The following IQCH variants were observed in gnomAD, a reference collection of about 807,000 sequenced individuals.
IQCH encodes IQ motif containing H.
In IQCH, 98 loss-of-function variants were observed where a neutral mutation model predicts 117.0. That is an observed-to-expected ratio of 0.84 (90% CI 0.71 to 0.99). The LOEUF (loss-of-function observed/expected upper bound fraction) is 0.99, where lower values mean the gene tolerates loss of function less well. Among genes scored for constraint, IQCH ranks in the 50% least tolerant of loss-of-function variants. The pLI is 0.00. For synonymous variants in IQCH, 412 were observed against 448.2 expected (o/e 0.92, Z 1.02); for missense variants, 1,102 against 1,243.8 (o/e 0.89, Z 1.72).
intron 10 of IQCH, among the ~76,000 whole-genome samples, chr15:67,382,354 C>T (rs747026944): frequency 2.6e-5 from 4 of 152,206 alleles, no homozygotes; most frequent in Non-Finnish European, 5.9e-5. Flanking sequence ...GACAATTACA[C>T]CTGGCCCAGC....
rs1197185501 is a variant in IQCH, at chr15:67,408,704, C to T, written c.2098-8227C>T. 6.6e-6 allele frequency among the ~76,000 whole-genome samples: 1 copy of T among 152,142 alleles called. No homozygotes were observed. Among genetic ancestry groups the T allele is most frequent in the African/African-American group, 2.4e-5 (1 of 41,420 alleles). The stretch of plus-strand genomic sequence containing the variant: ...CACTACTTGAATGAAAAATCAAGTT[C>T]AAAGGGCACATGTGTTTCCTTTTGT... On this transcript the variant is annotated intron_variant, in intron 14 of 20. Coordinates refer to ENST00000335894, the MANE Select transcript of IQCH (RefSeq NM_001031715.3). The surrounding 1 kb of genome is among the most constrained non-coding windows in gnomAD (Gnocchi z 4.2).
chr15:67,396,433 G>C (rs72745491), intron 13 of IQCH, among the ~76,000 whole-genome samples: 115 of 151,644 alleles, frequency 7.6e-4, no homozygotes, highest in Admixed American at 1.6e-3. Context: ...CTTGGACCAA[G>C]TGTGTGGCTA....
Position 67,366,284 on chromosome 15 carries a change from A to C in IQCH, c.754-5827A>C, listed in dbSNP as rs766925761. On this transcript the variant is annotated intron_variant, in intron 8 of 20. Coordinates refer to ENST00000335894, the MANE Select transcript of IQCH (RefSeq NM_001031715.3). This position sits in a 1 kb window ranked among gnomAD's most constrained non-coding sequence, Gnocchi z 4.4. ...CCTTAACTATGTCACATTTTCTCAGAGAATATTAGAGGTATAACAGAAAAG... is the reference window on the plus strand; with the variant it reads ...CCTTAACTATGTCACATTTTCTCAGCGAATATTAGAGGTATAACAGAAAAG... 6.6e-5 allele frequency among the ~76,000 whole-genome samples: 10 copies of C among 152,178 alleles called. No homozygotes were observed. Among genetic ancestry groups the C allele is most frequent in the Non-Finnish European group, 1.2e-4 (8 of 68,020 alleles).
At chr15:67,268,831 G>A (rs1159527716) in intron 3 of IQCH, among the ~76,000 whole-genome samples, 1 of 152,134 alleles carries the variant, frequency 6.6e-6, no homozygotes, top group Non-Finnish European at 1.5e-5. Flanking sequence ...ATGTTAACAC[G>A]TGGTAATCTA....
rs182197269 is a variant in IQCH, at chr15:67,326,585, G to A, written c.388-10390G>A. Among the ~76,000 whole-genome samples, 109 of 152,108 alleles carry A rather than the reference G, an allele frequency of 7.2e-4. 4 individuals carry two copies. In the East Asian group the frequency reaches 0.012, roughly 17 times the overall value. On this transcript the variant is annotated intron_variant, in intron 4 of 20. Transcript: ENST00000335894. ...TGAACTAGTTTGCTGTCCCACCAGC[G>A]GTGTAAGGGTGTTCCTATTTCTCCA...
Position 67,401,870 on chromosome 15 carries a change from G to A in IQCH, c.2097+1565G>A, listed in dbSNP as rs6494656. ...TTCTCTTTGAACTGGATTTTATTTC[G>A]TATTGTATAGATTTTTTTTAAAGCA... On this transcript the variant is annotated intron_variant, in intron 14 of 20. Transcript: ENST00000335894. This position sits in a 1 kb window ranked among gnomAD's most constrained non-coding sequence, Gnocchi z 4.7. Among the ~76,000 whole-genome samples the A allele has an allele frequency of 0.99, 151,380 of 152,342 alleles. 75,222 individuals carry two copies. The highest frequency in any genetic ancestry group is 1 in the Non-Finnish European group (68,042 of 68,042).
Position 67,408,255 on chromosome 15 carries a change from A to G in IQCH, c.2097+7950A>G, listed in dbSNP as rs2081358393. On this transcript the variant is annotated intron_variant, in intron 14 of 20. Transcript: ENST00000335894. The surrounding 1 kb of genome is among the most constrained non-coding windows in gnomAD (Gnocchi z 4.2). ...GGAAAGGTCCGCTTTGCTGAAAACC[A>G]CAGAGCAGGCATGGGCATTTGGAAC... 1 of 152,232 alleles carries G rather than the reference A, an allele frequency of 6.6e-6. No individual in the cohort carries two copies. The highest frequency in any genetic ancestry group is 1.5e-5 in the Non-Finnish European group (1 of 68,064). The allele number at this position is 152,232 out of a possible 1,614,324, so 9.4% of individuals were successfully genotyped here.
rs2083962673 is a variant in IQCH at position 67,500,865 on chromosome 15, T to C, written c.*119T>C. ...TTTGCTTTGTGTGCTAGGAGGTGAA[T>C]CAGAACAGATTATAATGAAATGCTC... On this transcript the variant is annotated 3_prime_UTR_variant, in exon 21 of 21. Transcript: ENST00000335894. This position sits in a 1 kb window ranked among gnomAD's most constrained non-coding sequence, Gnocchi z 4.4. The C allele has an allele frequency of 3.8e-6, 2 of 523,082 alleles. No homozygotes were observed. Among genetic ancestry groups the C allele is most frequent in the South Asian group, 6.7e-5 (2 of 29,782 alleles). The allele number at this position is 523,082 out of a possible 1,614,324, so 32.4% of individuals were successfully genotyped here. A position where few individuals can be genotyped will look rare whatever the true frequency, so the allele number is the denominator to read the frequency against.
intron 16 of IQCH, among the ~76,000 whole-genome samples, chr15:67,448,511 G>C (rs564389882): frequency 4.0e-5 from 6 of 151,746 alleles, no homozygotes; most frequent in Non-Finnish European, 7.4e-5. Context: ...TGATGAGAAT[G>C]ATGGTTTCCA....
chr15:67,320,117 A>G (rs967510085), intron 4 of IQCH, among the ~76,000 whole-genome samples: 3 of 152,374 alleles, frequency 2.0e-5, no homozygotes, highest in East Asian at 1.9e-4. Flanking sequence ...GAGTCATTGA[A>G]GTAAAAGTCT....
rs1489081324 is a variant in IQCH, at chr15:67,404,335, C to CA, written c.2097+4031dup. The stretch of plus-strand genomic sequence containing the variant: ...CCATTTCATGCCATAGAGCTCCCTG[C>CA]ATCTCCACCTCCATTGTGAAGACCT... On this transcript the variant is annotated intron_variant, in intron 14 of 20. Transcript: ENST00000335894. This position sits in a 1 kb window ranked among gnomAD's most constrained non-coding sequence, Gnocchi z 4.6. 1 of 152,176 alleles carries CA rather than the reference C, an allele frequency of 6.6e-6. No homozygotes were observed. The highest frequency in any genetic ancestry group is 2.4e-5 in the African/African-American group (1 of 41,436). The allele number at this position is 152,176 out of a possible 1,614,324, so 9.4% of individuals were successfully genotyped here.
chr15:67,420,774 T>C (rs1385014461), intron 15 of IQCH, among the ~76,000 whole-genome samples: 1 of 152,250 alleles, frequency 6.6e-6, no homozygotes, highest in Non-Finnish European at 1.5e-5. Context: ...TTAAAAATGT[T>C]TTATAACTGG....
intron 4 of IQCH, among the ~76,000 whole-genome samples, chr15:67,289,585 A>G (rs531282378): frequency 1.3e-5 from 2 of 152,152 alleles, no homozygotes; most frequent in Non-Finnish European, 2.9e-5. Context: ...GAGTAGGCAA[A>G]TAAGATTAAT....
At chr15:67,483,984 C>G (rs2083406564) in intron 18 of IQCH, among the ~76,000 whole-genome samples, 1 of 152,196 alleles carries the variant, frequency 6.6e-6, no homozygotes, top group African/African-American at 2.4e-5. Context: ...ATAAACACCT[C>G]AAGCTTCCAG....
intron 16 of IQCH, among the ~76,000 whole-genome samples, chr15:67,423,515 C>T (rs2140924400): frequency 6.6e-6 from 1 of 151,680 alleles, no homozygotes; most frequent in East Asian, 1.9e-4. Flanking sequence ...GCCTCAACCT[C>T]CCACCTCCTC....
At chr15:67,373,301 T>C (rs1380074866) in intron 9 of IQCH, 66 bp from the exon 10 acceptor site, 2 of 1,033,532 alleles carry the variant, frequency 1.9e-6, no homozygotes, top group Non-Finnish European at 3.0e-6. Flanking sequence ...GAAAAACAGC[T>C]GAAGTTTGAC....
intron 4 of IQCH, among the ~76,000 whole-genome samples, chr15:67,302,539 G>A (rs1487367088): frequency 6.6e-6 from 1 of 152,108 alleles, no homozygotes; most frequent in African/African-American, 2.4e-5. Context: ...GGACAGTTGA[G>A]GGCAGTTATT....
Position 67,401,686 on chromosome 15 carries a change from G to T in IQCH, c.2097+1381G>T, listed in dbSNP as rs181966655. 6.6e-6 allele frequency among the ~76,000 whole-genome samples: 1 copy of T among 152,100 alleles called. No individual in the cohort carries two copies. The highest frequency in any genetic ancestry group is 2.4e-5 in the African/African-American group (1 of 41,408). On this transcript the variant is annotated intron_variant, in intron 14 of 20. Coordinates refer to ENST00000335894, the MANE Select transcript of IQCH (RefSeq NM_001031715.3). The surrounding 1 kb of genome is among the most constrained non-coding windows in gnomAD (Gnocchi z 4.7). Reference sequence around the variant, plus strand: ...TTCCCCATGATCTATTCTGGGCTTCGTTTCTCCCCTCCATCAGTAAATGGA... The same window carrying T: ...TTCCCCATGATCTATTCTGGGCTTCTTTTCTCCCCTCCATCAGTAAATGGA...
chr15:67,480,666 G>A (rs973398755), intron 18 of IQCH, among the ~76,000 whole-genome samples: 2 of 152,158 alleles, frequency 1.3e-5, no homozygotes, highest in South Asian at 4.1e-4. Flanking sequence ...GCAATGAGTG[G>A]CTGGGAAACT....
Sources: gnomAD v4.1 joint callset for allele counts (sites outside exome capture counted in the v4.1 genomes callset) on GRCh38, gnomAD v4.1.1 for gene constraint, Gnocchi (gnomAD v3.1) non-coding constraint, MANE v1.5 for transcripts, NCBI Gene and HGNC (gene_info 2026-07-23, HGNC 2026-07-21) for gene names.